Variants in C1GALT1 observed in about 807,000 individuals in gnomAD.
C1GALT1 encodes the protein glycoprotein-N-acetylgalactosamine 3-beta-galactosyltransferase 1.
Under a neutral mutation model 31.0 loss-of-function variants are expected in C1GALT1, and 11 were observed. The observed-to-expected ratio is 0.36, with a 90% CI of 0.22 to 0.59. The LOEUF is 0.59. C1GALT1 is among the 20% of genes least tolerant of loss of function. The probability of loss-of-function intolerance (pLI) is 0.79; values close to 1 mark genes in which losing one functional copy is unlikely to be tolerated. For missense variants in C1GALT1, 424 were observed against 425.2 expected, an observed-to-expected ratio of 1.00 and a Z score of 0.03; for synonymous variants, 175 against 143.6, an observed-to-expected ratio of 1.22 and a Z score of -1.56.
At chr7:7,240,977 T>G (rs1783600854) in intron 3 of C1GALT1, among the ~76,000 whole-genome samples, 1 of 152,052 alleles carries the variant, frequency 6.6e-6, no homozygotes. Context: ...TTCCTAAATT[T>G]CTTGTTCAGA....
chr7:7,236,476 T>C (rs1783358447), intron 2 of C1GALT1, among the ~76,000 whole-genome samples: 1 of 152,172 alleles, frequency 6.6e-6, no homozygotes. Flanking sequence ...TCTGCTGTTG[T>C]CCTTTTGGAT....
At chr7:7,224,796 A>G (rs919349574) in intron 1 of C1GALT1, among the ~76,000 whole-genome samples, 3 of 152,186 alleles carry the variant, frequency 2.0e-5, no homozygotes, top group South Asian at 4.1e-4. Context: ...GTTCAGGGGT[A>G]CATATACAGG....
At chr7:7,209,117 T>C (rs1226927659) in intron 1 of C1GALT1, among the ~76,000 whole-genome samples, 2 of 152,254 alleles carry the variant, frequency 1.3e-5, no homozygotes, top group Admixed American at 6.5e-5. Flanking sequence ...TTTACTCGTT[T>C]TATTTTAGAT....
intron 1 of C1GALT1, among the ~76,000 whole-genome samples, chr7:7,219,058 C>T (rs1782386760): frequency 6.6e-6 from 1 of 151,978 alleles, no homozygotes; most frequent in African/African-American, 2.4e-5. Flanking sequence ...AGGATGGTCT[C>T]GATCTCCTGA....
intron 1 of C1GALT1, among the ~76,000 whole-genome samples, chr7:7,215,161 C>G (rs988750676): frequency 2.6e-5 from 4 of 152,102 alleles, no homozygotes; most frequent in African/African-American, 9.7e-5. Flanking sequence ...AGGCTGTAGC[C>G]AAGTTTGCCA....
chr7:7,203,127 G>A (rs1781591231), intron 1 of C1GALT1, among the ~76,000 whole-genome samples: 1 of 135,752 alleles, frequency 7.4e-6, no homozygotes, highest in African/African-American at 2.8e-5. Context: ...AGGGTTCCCT[G>A]CATATAAGAT....
At chr7:7,229,654 G>C (rs1410107838) in intron 1 of C1GALT1, among the ~76,000 whole-genome samples, 2 of 152,114 alleles carry the variant, frequency 1.3e-5, no homozygotes, top group Non-Finnish European at 2.9e-5. Context: ...AGACAATCGA[G>C]ATATTTAGAA....
At chr7:7,215,882 G>T (rs891760166) in intron 1 of C1GALT1, among the ~76,000 whole-genome samples, 3 of 152,062 alleles carry the variant, frequency 2.0e-5, no homozygotes, top group Non-Finnish European at 4.4e-5. Flanking sequence ...TAGAAAATCA[G>T]TCTAAGTCTC....
At chr7:7,183,075 G>C (rs969536098) in intron 1 of C1GALT1, among the ~76,000 whole-genome samples, 1 of 152,166 alleles carries the variant, frequency 6.6e-6, no homozygotes, top group Non-Finnish European at 1.5e-5. Context: ...TTGTGGACAT[G>C]TACCCTCCTC....
intron 2 of C1GALT1, among the ~76,000 whole-genome samples, chr7:7,235,749 C>T (rs1290793925): frequency 6.6e-6 from 1 of 152,212 alleles, no homozygotes; most frequent in African/African-American, 2.4e-5. Flanking sequence ...AGAAGTTGCT[C>T]TTCCTCCTCT....
intron 1 of C1GALT1, among the ~76,000 whole-genome samples, chr7:7,216,682 G>C (rs1018179735): frequency 6.6e-6 from 1 of 152,138 alleles, no homozygotes; most frequent in Non-Finnish European, 1.5e-5. Flanking sequence ...TATCTTAATC[G>C]GAGACAGAAT....
intron 1 of C1GALT1, among the ~76,000 whole-genome samples, chr7:7,227,814 C>CTCT (rs1286848847): frequency 2.0e-5 from 3 of 152,118 alleles, no homozygotes; most frequent in Non-Finnish European, 4.4e-5. Context: ...CACCTCAAGA[C>CTCT]TCTTCAGAGG....
At chr7:7,169,597 T>A (rs966393567) in intron 2 of C1GALT1, among the ~76,000 whole-genome samples, 1 of 152,174 alleles carries the variant, frequency 6.6e-6, no homozygotes, top group African/African-American at 2.4e-5. Flanking sequence ...TGGTACATCA[T>A]TGTTGTTTTG....
intron 1 of C1GALT1, among the ~76,000 whole-genome samples, chr7:7,207,470 C>T (rs1781801299): frequency 6.7e-6 from 1 of 149,866 alleles, no homozygotes; most frequent in African/African-American, 2.4e-5. Context: ...CACACTGTGC[C>T]TGGCTCAGAT....
intron 1 of C1GALT1, among the ~76,000 whole-genome samples, chr7:7,184,449 G>A (rs1233111835): frequency 6.6e-6 from 1 of 152,062 alleles, no homozygotes; most frequent in Non-Finnish European, 1.5e-5. Flanking sequence ...ACTAGACTAC[G>A]TTGAGTAAAT....
At chr7:7,228,309 C>T (rs943972505) in intron 1 of C1GALT1, among the ~76,000 whole-genome samples, 7 of 152,004 alleles carry the variant, frequency 4.6e-5, no homozygotes, top group Non-Finnish European at 7.4e-5. Context: ...TTAGTTGTCC[C>T]GGGAGTTCTT....
At chr7:7,217,322 G>T (rs1329195435) in intron 1 of C1GALT1, among the ~76,000 whole-genome samples, 1 of 151,674 alleles carries the variant, frequency 6.6e-6, no homozygotes, top group Non-Finnish European at 1.5e-5. Flanking sequence ...CTGAGGGGGT[G>T]GGGGGGCTCC....
chr7:7,192,569 G>C (rs1382508617), intron 1 of C1GALT1, among the ~76,000 whole-genome samples: 1 of 151,948 alleles, frequency 6.6e-6, no homozygotes, highest in Non-Finnish European at 1.5e-5. Flanking sequence ...ATGGGCATTT[G>C]GGTTGATTCC....
chr7:7,211,193 A>G (rs1325750974), intron 1 of C1GALT1, among the ~76,000 whole-genome samples: 1 of 152,134 alleles, frequency 6.6e-6, no homozygotes, highest in East Asian at 1.9e-4. Context: ...TTGAGTATAC[A>G]GGGCCCAGAT....
Sources: allele counts gnomAD v4.1 joint callset (sites outside exome capture counted in the v4.1 genomes callset), GRCh38; gene constraint gnomAD v4.1.1; transcripts MANE v1.5; gene names NCBI Gene and HGNC (gene_info 2026-07-23, HGNC 2026-07-21).